Variants in SNAP91 observed in about 807,000 individuals in gnomAD.
SNAP91 encodes synaptosome associated protein 91, also known as clathrin coat assembly protein AP180.
A neutral mutation model predicts 100.3 loss-of-function variants in SNAP91; 27 were observed. That is an observed-to-expected ratio of 0.27 (90% CI 0.20 to 0.37). The LOEUF is 0.37. Ranked by LOEUF, SNAP91 falls within the 10% of genes least tolerant of loss-of-function variation. SNAP91 has a pLI of 1.00. For missense variants in SNAP91, 986 were observed against 1,123.7 expected (o/e 0.88, Z 1.75); for synonymous variants, 404 against 398.6 (o/e 1.01, Z -0.16).
intron 2 of SNAP91, among the ~76,000 whole-genome samples, chr6:83,699,591 G>A (rs1416721012): frequency 6.6e-6 from 1 of 152,080 alleles, no homozygotes; most frequent in Non-Finnish European, 1.5e-5. Flanking sequence ...GACATAAAAA[G>A]AAAGAGAATG....
chr6:83,682,259 C>G (rs976879385), intron 2 of SNAP91, among the ~76,000 whole-genome samples: 2 of 150,356 alleles, frequency 1.3e-5, no homozygotes, highest in Non-Finnish European at 2.9e-5. Flanking sequence ...CTCACTGAAG[C>G]CTCAACCTCT....
At chr6:83,693,652 T>C (rs1490743350) in intron 2 of SNAP91, among the ~76,000 whole-genome samples, 1 of 152,188 alleles carries the variant, frequency 6.6e-6, no homozygotes, top group Non-Finnish European at 1.5e-5. Context: ...ACAATAGCTA[T>C]AACTGTCTCC....
chr6:83,649,294 GGT>G (rs1468391174), intron 7 of SNAP91, among the ~76,000 whole-genome samples: 1 of 152,130 alleles, frequency 6.6e-6, no homozygotes, highest in East Asian at 1.9e-4. Context: ...TGGGGCCAAA[GGT>G]TCTGCTTGCA....
Position 83,611,693 on chromosome 6 carries a change from A to G in SNAP91, c.885-1016T>C, listed in dbSNP as rs141600326. 5.3e-5 allele frequency among the ~76,000 whole-genome samples: 8 copies of G among 151,494 alleles called. No individual in the cohort carries two copies. The East Asian group carries it at 1.6e-3, about 30-fold the overall frequency. On this transcript the variant is annotated intron_variant, in intron 11 of 29. Transcript: ENST00000369694. ...ATTTAACAGTATTATATGCCAAGTT[A>G]ATATCTTTCTTTTTTTTTTTTGAGA...
intron 26 of SNAP91, among the ~76,000 whole-genome samples, chr6:83,562,025 TA>T (rs986375863): frequency 2.0e-5 from 3 of 152,012 alleles, no homozygotes; most frequent in Non-Finnish European, 2.9e-5. Flanking sequence ...ACCCTGTCTC[TA>T]AAAAAACATC....
intron 29 of SNAP91, among the ~76,000 whole-genome samples, chr6:83,555,583 C>G (rs770754785): frequency 7.9e-5 from 12 of 152,116 alleles, no homozygotes; most frequent in Non-Finnish European, 1.3e-4. Context: ...AACATTTTTC[C>G]TTCATTCGTT....
At chr6:83,650,350 G>T (rs970140207) in intron 7 of SNAP91, among the ~76,000 whole-genome samples, 1 of 152,172 alleles carries the variant, frequency 6.6e-6, no homozygotes, top group African/African-American at 2.4e-5. Flanking sequence ...AATGGTTCAG[G>T]ACATAATACA....
intron 26 of SNAP91, among the ~76,000 whole-genome samples, chr6:83,568,247 A>C (rs560087820): frequency 6.6e-6 from 1 of 152,268 alleles, no homozygotes; most frequent in South Asian, 2.1e-4. Flanking sequence ...TCACAAGGAC[A>C]AAAAACCAAA....
At chr6:83,582,075 A>G (rs1450333027) in intron 23 of SNAP91, 147 bp downstream of exon 23, 1 of 788,462 alleles carries the variant, frequency 1.3e-6, no homozygotes, top group Admixed American at 2.8e-5. Context: ...TTAAGTTACT[A>G]AATGAGAGAT....
intron 2 of SNAP91, among the ~76,000 whole-genome samples, chr6:83,671,874 G>C (rs1010795440): frequency 2.0e-5 from 3 of 151,916 alleles, no homozygotes; most frequent in Non-Finnish European, 4.4e-5. Flanking sequence ...CAGGGCCCTT[G>C]TTATCTGTTG....
Position 83,601,590 on chromosome 6 carries a change from C to T in SNAP91, c.1151G>A (p.Gly384Glu). 1 of 1,613,542 alleles carries T rather than the reference C, an allele frequency of 6.2e-7. No homozygotes were observed. Among genetic ancestry groups the T allele is most frequent in the Non-Finnish European group, 8.5e-7 (1 of 1,179,574 alleles). ...AAAAACAAAGCTTTACTCACCCTCT[C>T]CCAAAAGGTCTACCGATGTCCATTA... ...GGATAWGDLLGEDSLAALSSV... is the reference protein window; with the variant it reads ...GGATAWGDLLEEDSLAALSSV... The change falls in exon 15 of 30, where the codon GGA (glycine) becomes GAA (glutamate). Residue 384 changes from glycine to glutamate, a missense_variant. Gly to Glu is a moderately conservative substitution (Grantham distance 98). Around this residue, in one of 4 missense-constraint regions of SNAP91, gnomAD observed 575 missense variants for 579.9 expected, o/e 0.99. Coordinates refer to ENST00000369694, the MANE Select transcript of SNAP91 (RefSeq NM_001242792.2).
intron 2 of SNAP91, among the ~76,000 whole-genome samples, chr6:83,698,602 C>A (rs1480048631): frequency 2.0e-5 from 3 of 152,008 alleles, no homozygotes; most frequent in African/African-American, 7.2e-5. Context: ...CAAAAGGAGA[C>A]GAGGGAAAAT....
chr6:83,661,982 T>C (rs2098551831), intron 4 of SNAP91, among the ~76,000 whole-genome samples: 2 of 152,278 alleles, frequency 1.3e-5, no homozygotes, highest in South Asian at 4.1e-4. Flanking sequence ...AATGAACAAA[T>C]GAATGCAGTT....
chr6:83,618,138 A>G (rs2096574401), intron 9 of SNAP91, among the ~76,000 whole-genome samples: 1 of 151,872 alleles, frequency 6.6e-6, no homozygotes, highest in Non-Finnish European at 1.5e-5. Context: ...CATTTATTTA[A>G]TATTCATTTT....
At chr6:83,561,012 TAAAC>T (rs1583885453) in intron 26 of SNAP91, 65 bp from the exon 27 acceptor site, 11 of 1,043,434 alleles carry the variant, frequency 1.1e-5, no homozygotes, top group African/African-American at 1.6e-5. Context: ...TGCACGACAA[TAAAC>T]AAACAAAAAG....
At chr6:83,708,365 CAGCAGACTTTCCTCCT>C (rs1309241402) in intron 1 of SNAP91, 1 of 162,430 alleles carries the variant, frequency 6.2e-6, no homozygotes, top group Non-Finnish European at 1.3e-5. Flanking sequence ...TCTCCCACCT[CAGCAGACTTTCCTCCT>C]AGCAGCCCGC....
At position 83,641,100 on chromosome 6, in the gene SNAP91, G is replaced by C; in HGVS notation, c.761C>G (p.Ala254Gly). The C allele has an allele frequency of 6.6e-7, 1 of 1,508,806 alleles. No homozygotes were observed. Among genetic ancestry groups the C allele is most frequent in the South Asian group, 1.3e-5 (1 of 76,990 alleles). 93.5% of individuals were successfully genotyped at this position (1,508,806 alleles called of 1,614,324 possible). The change falls in exon 8 of 30, where the codon GCA becomes GGA. Residue 254 changes from alanine (A) to glycine (G), a missense_variant. By Grantham distance (60) the Ala-to-Gly change is moderately conservative. This residue lies in a region of SNAP91 where 330 missense variants were observed against 447.5 expected (regional missense o/e 0.74). Transcript: ENST00000369694. ...MTRVSEFLKVAEQVGIDKGDI... is the reference protein window; with the variant it reads ...MTRVSEFLKVGEQVGIDKGDI... The stretch of plus-strand genomic sequence containing the variant: ...AGAAAACTTAATATTACTTACCTCT[G>C]CAACCTTGAGAAATTCAGACACTCG...
At chr6:83,574,926 C>T in intron 26 of SNAP91, 84 bp downstream of exon 26, 1 of 844,000 alleles carries the variant, frequency 1.2e-6, no homozygotes, top group Non-Finnish European at 1.9e-6. Flanking sequence ...CCGTCGGCAG[C>T]AAAGTTAGCA....
chr6:83,691,369 C>G (rs2099127969), intron 2 of SNAP91, among the ~76,000 whole-genome samples: 1 of 152,082 alleles, frequency 6.6e-6, no homozygotes, highest in Non-Finnish European at 1.5e-5. Context: ...TAACTAAATT[C>G]TGTTATATGG....
Sources: allele counts gnomAD v4.1 joint callset (sites outside exome capture counted in the v4.1 genomes callset), GRCh38; gene constraint gnomAD v4.1.1; regional missense constraint gnomAD v4.1.1; transcripts MANE v1.5; gene names NCBI Gene and HGNC (gene_info 2026-07-23, HGNC 2026-07-21).